TRIM14: variants seen among roughly 807,000 people sequenced by gnomAD.
TRIM14 encodes tripartite motif containing 14, also known as tripartite motif-containing protein 14.
A neutral mutation model predicts 44.5 loss-of-function variants in TRIM14; 28 were observed. That is an observed-to-expected ratio of 0.63 (90% CI 0.47 to 0.86). TRIM14 has a LOEUF of 0.86. Ranked by LOEUF, TRIM14 falls within the 40% of genes least tolerant of loss-of-function variation. The probability of loss-of-function intolerance (pLI) is 0.00; values close to 1 mark genes in which losing one functional copy is unlikely to be tolerated. For missense variants in TRIM14, 607 were observed against 611.1 expected (o/e 0.99, Z 0.07); for synonymous variants, 299 against 269.2 (o/e 1.11, Z -1.08).
chr9:98,101,575 C>A (rs1400611096), intron 2 of TRIM14, among the ~76,000 whole-genome samples: 1 of 151,972 alleles, frequency 6.6e-6, no homozygotes, highest in East Asian at 1.9e-4. Flanking sequence ...GTGGCCATCA[C>A]CATGCCTGGC....
chr9:98,047,257 T>C, the TRIM14 span, among the ~76,000 whole-genome samples: 1 of 152,172 alleles, frequency 6.6e-6, no homozygotes, highest in Non-Finnish European at 1.5e-5. Flanking sequence ...AAGACGTGCC[T>C]TTTGCCTTTC....
intron 1 of TRIM14, among the ~76,000 whole-genome samples, chr9:98,114,013 A>G (rs760281531): frequency 6.6e-6 from 1 of 152,206 alleles, no homozygotes; most frequent in African/African-American, 2.4e-5. Flanking sequence ...TTTTGACCCA[A>G]GCTAACTTGG....
At chr9:98,109,827 C>T in intron 2 of TRIM14, 62 bp downstream of exon 2, 3 of 1,357,530 alleles carry the variant, frequency 2.2e-6, no homozygotes, top group South Asian at 2.4e-5. Flanking sequence ...TATTGGGGGT[C>T]CCTTTTGTCT....
chr9:98,044,393 G>GAGAA, the TRIM14 span, among the ~76,000 whole-genome samples: 2 of 47,498 alleles, frequency 4.2e-5, no homozygotes, highest in Non-Finnish European at 9.0e-5. Context: ...TTTTTTTTTT[G>GAGAA]AGAAAGAGTC....
chr9:98,050,453 C>T, the TRIM14 span, among the ~76,000 whole-genome samples: 1 of 152,146 alleles, frequency 6.6e-6, no homozygotes, highest in Non-Finnish European at 1.5e-5. Context: ...TATGCTGGAA[C>T]CTCCTGTTTA....
the TRIM14 span, among the ~76,000 whole-genome samples, chr9:98,038,825 C>T: frequency 1.1e-4 from 16 of 151,766 alleles, no homozygotes; most frequent in Non-Finnish European, 1.6e-4. Flanking sequence ...CCGAGGCAGG[C>T]GGATTATGAG....
chr9:98,048,241 T>C, the TRIM14 span, among the ~76,000 whole-genome samples: 1 of 152,162 alleles, frequency 6.6e-6, no homozygotes, highest in South Asian at 2.1e-4. Context: ...CCTTTTGGGA[T>C]CTGAGATCTG....
rs1826123599 is a variant in TRIM14, at chr9:98,094,847, T to C, written c.700+20A>G. 1.3e-5 allele frequency: 21 copies of C among 1,610,684 alleles called. No homozygotes were observed. Among genetic ancestry groups the C allele is most frequent in the Non-Finnish European group, 1.8e-5 (21 of 1,177,774 alleles). On this transcript the variant is annotated intron_variant, in intron 4 of 5. Transcript: ENST00000341469. ...CACTAGGGGAGTTAAGGACACAAAGTTGGTCACTCGGCGACTTACTTTCCT... is the reference window on the plus strand; with the variant it reads ...CACTAGGGGAGTTAAGGACACAAAGCTGGTCACTCGGCGACTTACTTTCCT...
chr9:98,073,270 GCTTTTTTT>G (rs1467341534), intron 6 of TRIM14, among the ~76,000 whole-genome samples: 2 of 105,000 alleles, frequency 1.9e-5, no homozygotes, highest in African/African-American at 3.7e-5. Flanking sequence ...ATCACCATGG[GCTTTTTTT>G]TTTTTTTTTT....
At position 98,087,183 on chromosome 9, in the gene TRIM14, G is replaced by A. The variant is rs10984980; in HGVS notation, c.*287C>T. 0.083 allele frequency: 58,668 copies of A among 710,164 alleles called. 3,616 individuals carry two copies. Among genetic ancestry groups the A allele is most frequent in the East Asian group, 0.27 (9,873 of 36,668 alleles). The allele number at this position is 710,164 out of a possible 1,614,324, so 44.0% of individuals were successfully genotyped here. ...TCAGGATGCTGAGGGCTTACCTGTG[G>A]GGGTATCACTTTGAAGGAACTGGAT... On this transcript the variant is annotated 3_prime_UTR_variant, in exon 6 of 6. Transcript: ENST00000341469.
downstream of TRIM14, chr9:98,069,136 TGTGA>T (rs1440132066): frequency 1.3e-5 from 2 of 152,220 alleles, no homozygotes; most frequent in African/African-American, 4.8e-5. Context: ...AAAACCTGTA[TGTGA>T]GTGTCATTAC....
the TRIM14 span, among the ~76,000 whole-genome samples, chr9:98,043,819 A>G: frequency 6.6e-6 from 1 of 151,812 alleles, no homozygotes; most frequent in African/African-American, 2.4e-5. Flanking sequence ...AATAGAGAGA[A>G]AGAGAACTTA....
the TRIM14 span, among the ~76,000 whole-genome samples, chr9:98,044,653 T>G: frequency 6.6e-6 from 1 of 152,086 alleles, no homozygotes; most frequent in Non-Finnish European, 1.5e-5. Flanking sequence ...ATTACAGGCA[T>G]GAGCCACCGT....
Position 98,085,781 on chromosome 9 carries a change from AT to A in TRIM14, c.*1688del, listed in dbSNP as rs1825753776. 1 of 152,176 alleles carries A rather than the reference AT, an allele frequency of 6.6e-6. No homozygotes were observed. The highest frequency in any genetic ancestry group is 1.5e-5 in the Non-Finnish European group (1 of 68,028). 9.4% of individuals were successfully genotyped at this position (152,176 alleles called of 1,614,324 possible). A position where few individuals can be genotyped will look rare whatever the true frequency, so the allele number is the denominator to read the frequency against. On this transcript the variant is annotated 3_prime_UTR_variant, in exon 6 of 6. Transcript: ENST00000341469. ...TACATTGTCTCATATCAAAAGTGCC[AT>A]TTTTAACTCAAAAACTATTGAAAAT...
intron 2 of TRIM14, among the ~76,000 whole-genome samples, chr9:98,107,086 A>G (rs1826642726): frequency 6.6e-6 from 1 of 152,180 alleles, no homozygotes; most frequent in African/African-American, 2.4e-5. Flanking sequence ...AACCATGATA[A>G]GGTATCACTA....
intron 6 of TRIM14, among the ~76,000 whole-genome samples, chr9:98,073,144 C>G (rs1343063274): frequency 6.6e-6 from 1 of 152,144 alleles, no homozygotes; most frequent in African/African-American, 2.4e-5. Flanking sequence ...GCCGCCCTTC[C>G]CTCCAGCACC....
the TRIM14 span, among the ~76,000 whole-genome samples, chr9:98,037,624 T>C: frequency 6.6e-6 from 1 of 152,132 alleles, no homozygotes; most frequent in Non-Finnish European, 1.5e-5. Context: ...CTCAAAATAG[T>C]TCTGTGTAGC....
At chr9:98,050,596 G>A in the TRIM14 span, among the ~76,000 whole-genome samples, 1 of 152,070 alleles carries the variant, frequency 6.6e-6, no homozygotes, top group Non-Finnish European at 1.5e-5. Context: ...CCAAAACAAT[G>A]GCCTCCCCTA....
chr9:98,071,116 T>A (rs950940535), intron 6 of TRIM14, among the ~76,000 whole-genome samples: 6 of 152,210 alleles, frequency 3.9e-5, no homozygotes, highest in Non-Finnish European at 7.3e-5. Flanking sequence ...TTGGCCTCCT[T>A]AGTAATTTTT....
Sources: allele counts gnomAD v4.1 joint callset (sites outside exome capture counted in the v4.1 genomes callset), GRCh38; gene constraint gnomAD v4.1.1; transcripts MANE v1.5; gene names NCBI Gene and HGNC (gene_info 2026-07-23, HGNC 2026-07-21).